The following TTLL3 variants were observed in gnomAD, a reference collection of about 807,000 sequenced individuals.
The protein encoded by TTLL3 is tubulin tyrosine ligase like 3.
Under a neutral mutation model 75.2 loss-of-function variants are expected in TTLL3, and 63 were observed. The ratio of observed to expected loss-of-function variants is 0.84; its 90% CI spans 0.68 to 1.03. The LOEUF is 1.03. Among genes scored for constraint, TTLL3 ranks in the 50% least tolerant of loss-of-function variants. TTLL3 has a pLI of 0.00. For missense variants in TTLL3, 997 were observed against 1,069.9 expected, an observed-to-expected ratio of 0.93 and a Z score of 0.95; for synonymous variants, 393 against 418.5, an observed-to-expected ratio of 0.94 and a Z score of 0.74.
rs775446588 is a variant in TTLL3 at position 9,834,964 on chromosome 3, C to T, written c.2052+57C>T. On this transcript the variant is annotated intron_variant, in intron 13 of 13. Transcript: ENST00000685419. Reference sequence around the variant, plus strand: ...GACAGTGCTGAGCACGGGGTCAGGGCTGGAGGGCACAGGCAGAGGGCAGCT... The same window carrying T: ...GACAGTGCTGAGCACGGGGTCAGGGTTGGAGGGCACAGGCAGAGGGCAGCT... 9.3e-6 allele frequency: 15 copies of T among 1,612,794 alleles called. No individual in the cohort carries two copies. The Admixed American group carries it at 1.7e-4, about 18-fold the overall frequency.
intron 2 of TTLL3, among the ~76,000 whole-genome samples, chr3:9,812,460 A>G (rs1462897529): frequency 6.6e-6 from 1 of 152,016 alleles, no homozygotes; most frequent in African/African-American, 2.4e-5. Flanking sequence ...GGTTGCAGTG[A>G]GCCAAGATTG....
At chr3:9,826,868 C>T in intron 9 of TTLL3, 129 bp from the exon 10 acceptor site, 1 of 1,486,408 alleles carries the variant, frequency 6.7e-7, no homozygotes, top group Admixed American at 2.2e-5. Flanking sequence ...GAACTGGGTT[C>T]TGATTGAGGG....
At position 9,812,901 on chromosome 3, in the gene TTLL3, A is replaced by C. The variant is rs748211761; in HGVS notation, c.49-42A>C. 2.0e-6 allele frequency: 3 copies of C among 1,469,602 alleles called. No individual in the cohort carries two copies. The African/African-American group carries it at 4.2e-5, about 21-fold the overall frequency. 91.0% of individuals were successfully genotyped at this position (1,469,602 alleles called of 1,614,324 possible). A position where few individuals can be genotyped will look rare whatever the true frequency, so the allele number is the denominator to read the frequency against. On this transcript the variant is annotated intron_variant, in intron 2 of 13. Transcript: ENST00000685419. The stretch of plus-strand genomic sequence containing the variant: ...TTTATATCCCCTATGTCTGGCACTT[A>C]TGCAATACTTATTGAAGAAGTATCC...
At position 9,818,907 on chromosome 3, in the gene TTLL3, G is replaced by A; in HGVS notation, c.645G>A (p.Glu215=). The change falls in exon 7 of 14, where the codon GAG becomes GAA. Residue 215 remains glutamate (E), a synonymous_variant. Coordinates refer to ENST00000685419, the MANE Select transcript of TTLL3 (RefSeq NM_001387446.1). Reference sequence around the variant, plus strand: ...AGTCATACCCTATTCAGGCAGTAGAGGAAGAGGCCTCAGGTAAGTACTGTG... The same window carrying A: ...AGTCATACCCTATTCAGGCAGTAGAAGAAGAGGCCTCAGGTAAGTACTGTG... ...EWKSYPIQAV[E]EEASGDKQPK... is the part of the protein sequence containing the mutation. 1.2e-6 allele frequency: 2 copies of A among 1,614,116 alleles called. No individual in the cohort carries two copies. The highest frequency in any genetic ancestry group is 8.5e-7 in the Non-Finnish European group (1 of 1,180,008).
chr3:9,816,833 G>C (rs1439550060), intron 5 of TTLL3, among the ~76,000 whole-genome samples: 1 of 152,020 alleles, frequency 6.6e-6, no homozygotes, highest in African/African-American at 2.4e-5. Flanking sequence ...TCACCTCTCT[G>C]AGCCTCAATT....
At chr3:9,819,774 CAG>C (rs2080241366) in intron 7 of TTLL3, 2 of 985,372 alleles carry the variant, frequency 2.0e-6, no homozygotes, top group Admixed American at 6.1e-5. Flanking sequence ...CTGCCTCTTC[CAG>C]AGAGACTCCC....
Position 9,829,105 on chromosome 3 carries a change from A to G in TTLL3, c.1393A>G (p.Thr465Ala). Residue 465 changes from threonine (T) to alanine (A), a missense_variant, in exon 11 of 14, where the codon ACC becomes GCC. By Grantham distance (58) the Thr-to-Ala change is moderately conservative. Coordinates refer to ENST00000685419, the MANE Select transcript of TTLL3 (RefSeq NM_001387446.1). ...GATGGGTGCCCCAAATGCTTGGTCC[A>G]CCATCATCGTGCCTGGCATGAAGGA... Reference protein sequence around the residue: ...QEMGAPNAWSTIIVPGMKDAV... With the variant: ...QEMGAPNAWSAIIVPGMKDAV... 1 of 1,614,180 alleles carries G rather than the reference A, an allele frequency of 6.2e-7. No individual in the cohort carries two copies. Among genetic ancestry groups the G allele is most frequent in the Non-Finnish European group, 8.5e-7 (1 of 1,180,036 alleles).
intron 4 of TTLL3, among the ~76,000 whole-genome samples, chr3:9,815,465 A>G (rs565258751): frequency 2.0e-4 from 30 of 152,352 alleles, no homozygotes; most frequent in Admixed American, 2.0e-3. Context: ...GACGCTGGTT[A>G]TTAATAATTA....
intron 2 of TTLL3, among the ~76,000 whole-genome samples, chr3:9,811,628 A>G (rs1449911462): frequency 6.6e-6 from 1 of 152,230 alleles, no homozygotes; most frequent in Non-Finnish European, 1.5e-5. Flanking sequence ...CCAAGCTTAG[A>G]AAGATTCCCT....
At chr3:9,832,583 C>T (rs1243812984) in intron 11 of TTLL3, among the ~76,000 whole-genome samples, 1 of 152,220 alleles carries the variant, frequency 6.6e-6, no homozygotes, top group Non-Finnish European at 1.5e-5. Context: ...GGGAGTCCCT[C>T]TCCTGGACCC....
intron 12 of TTLL3, 38 bp from the exon 13 acceptor site, chr3:9,834,643 C>A (rs1447807522): frequency 6.2e-7 from 1 of 1,611,970 alleles, no homozygotes; most frequent in Admixed American, 1.7e-5. Flanking sequence ...CACCTTGGGC[C>A]CCACCCCAGG....
chr3:9,830,502 T>A (rs745547388), intron 11 of TTLL3, among the ~76,000 whole-genome samples: 1 of 152,248 alleles, frequency 6.6e-6, no homozygotes. Context: ...GAGAACGTAC[T>A]GATCACATGA....
At chr3:9,816,923 C>T (rs995600225) in intron 5 of TTLL3, among the ~76,000 whole-genome samples, 3 of 152,086 alleles carry the variant, frequency 2.0e-5, no homozygotes, top group Non-Finnish European at 2.9e-5. Context: ...TAATAATGAC[C>T]TGCCATTATA....
chr3:9,819,131 C>G (rs893198377), intron 7 of TTLL3: 1 of 618,042 alleles, frequency 1.6e-6, no homozygotes, highest in African/African-American at 1.8e-5. Context: ...TCTGATCTAC[C>G]GATTCACCCA....
intron 8 of TTLL3, among the ~76,000 whole-genome samples, chr3:9,821,228 AAC>A (rs888273228): frequency 2.9e-4 from 44 of 152,252 alleles, no homozygotes; most frequent in Admixed American, 9.2e-4. Context: ...GTGTTTTCTG[AAC>A]ACACTTTGGA....
chr3:9,816,197 A>G lies in TTLL3; in HGVS notation c.439A>G (p.Thr147Ala), dbSNP rs947727097. 7.4e-7 allele frequency: 1 copy of G among 1,352,012 alleles called. No individual in the cohort carries two copies. The highest frequency in any genetic ancestry group is 9.9e-7 in the Non-Finnish European group (1 of 1,014,962). 83.8% of individuals were successfully genotyped at this position (1,352,012 alleles called of 1,614,324 possible). The stretch of plus-strand genomic sequence containing the variant: ...CTACGCCCGGGCTGGCTCCTTTACC[A>G]CAAAGGTGGGCTCCCTAGAGGAGCA... Reference protein sequence around the residue: ...NHYARAGSFTTKVGLCLNLRN... With the variant: ...NHYARAGSFTAKVGLCLNLRN... Residue 147 changes from threonine (T) to alanine (A), a missense_variant, in exon 5 of 14, where the codon ACA becomes GCA. Physicochemically the swap from Thr to Ala is moderately conservative, Grantham distance 58. Transcript: ENST00000685419.
Position 9,816,092 on chromosome 3 carries a change from G to A in TTLL3, c.334G>A (p.Glu112Lys), listed in dbSNP as rs374902791. ...TCCCCAGTCCCGCATGGTCCAGAAT[G>A]AGATCCCCTACTTCATCTGGACCAC... The part of the protein sequence containing the change: ...HALMSRMVQN[E>K]IPYFIWTTRR... The change falls in exon 5 of 14, where the codon GAG (glutamate) becomes AAG (lysine). Residue 112 changes from glutamate to lysine, a missense_variant. Coordinates refer to ENST00000685419, the MANE Select transcript of TTLL3 (RefSeq NM_001387446.1). 8.1e-6 allele frequency: 11 copies of A among 1,353,902 alleles called. No individual in the cohort carries two copies. Among genetic ancestry groups the A allele is most frequent in the Non-Finnish European group, 8.9e-6 (9 of 1,015,840 alleles). The allele number at this position is 1,353,902 out of a possible 1,614,324, so 83.9% of individuals were successfully genotyped here. A position where few individuals can be genotyped will look rare whatever the true frequency, so the allele number is the denominator to read the frequency against.
At chr3:9,824,994 G>A (rs542797489) in intron 8 of TTLL3, among the ~76,000 whole-genome samples, 9 of 148,560 alleles carry the variant, frequency 6.1e-5, no homozygotes, top group Admixed American at 1.3e-4. Context: ...GCCTGCCTCC[G>A]CCTCCCAAAG....
chr3:9,827,346 A>C, intron 10 of TTLL3, 106 bp downstream of exon 10: 4 of 1,511,592 alleles, frequency 2.6e-6, no homozygotes, highest in Non-Finnish European at 3.5e-6. Flanking sequence ...GCTAGGCTCC[A>C]CACACAGACT....
Sources: allele counts gnomAD v4.1 joint callset (sites outside exome capture counted in the v4.1 genomes callset), GRCh38; gene constraint gnomAD v4.1.1; transcripts MANE v1.5; gene names NCBI Gene and HGNC (gene_info 2026-07-23, HGNC 2026-07-21).